Variants in DEPTOR observed in about 807,000 individuals in gnomAD.
DEPTOR encodes the protein DEP domain containing MTOR interacting protein, also known as DEP domain-containing mTOR-interacting protein.
Under a neutral mutation model 41.6 loss-of-function variants are expected in DEPTOR, and 41 were observed. The ratio of observed to expected loss-of-function variants is 0.98; its 90% confidence interval spans 0.77 to 1.28. DEPTOR has a LOEUF of 1.28. DEPTOR is among the 50% of genes most tolerant of loss of function. The pLI, the probability that DEPTOR is intolerant of heterozygous loss-of-function variation, is 0.00. For missense variants in DEPTOR, 514 were observed against 527.9 expected (o/e 0.97, Z 0.26); for synonymous variants, 195 against 192.3 (o/e 1.01, Z -0.12).
At chr8:120,017,393 A>G (rs1361602722) in intron 8 of DEPTOR, among the ~76,000 whole-genome samples, 2 of 152,186 alleles carry the variant, frequency 1.3e-5, no homozygotes, top group Non-Finnish European at 2.9e-5. Context: ...GTATTATTTC[A>G]AAAAATGCAA....
chr8:120,020,236 C>T (rs546121560), intron 8 of DEPTOR, among the ~76,000 whole-genome samples: 21 of 152,222 alleles, frequency 1.4e-4, no homozygotes, highest in African/African-American at 5.1e-4. Context: ...ACTACAAGTG[C>T]ATGCCCAGCT....
At chr8:119,942,772 A>G (rs7010457) in intron 3 of DEPTOR, among the ~76,000 whole-genome samples, 18,140 of 152,194 alleles carry the variant, frequency 0.12, 1,673 homozygotes, top group African/African-American at 0.25. Flanking sequence ...TTAGCAAGAC[A>G]TTCAGCTTTT....
chr8:119,971,573 C>A (rs989569706), intron 4 of DEPTOR, among the ~76,000 whole-genome samples: 1 of 152,146 alleles, frequency 6.6e-6, no homozygotes, highest in South Asian at 2.1e-4. Flanking sequence ...AATGAAAACT[C>A]AGGGAAGGAA....
At chr8:119,882,891 C>T (rs1368808713) in intron 1 of DEPTOR, among the ~76,000 whole-genome samples, 1 of 152,094 alleles carries the variant, frequency 6.6e-6, no homozygotes, top group Non-Finnish European at 1.5e-5. Flanking sequence ...GAGGTGGGTA[C>T]CAAATCTGAG....
At chr8:119,894,412 T>TTCATTTATTTATTTA (rs1827489428) in intron 1 of DEPTOR, among the ~76,000 whole-genome samples, 1 of 148,654 alleles carries the variant, frequency 6.7e-6, no homozygotes, top group African/African-American at 2.5e-5. Flanking sequence ...TTATTTATTT[T>TTCATTTATTTATTTA]TTGAGACAGA....
At chr8:119,988,872 A>C (rs931497894) in intron 4 of DEPTOR, among the ~76,000 whole-genome samples, 1 of 152,044 alleles carries the variant, frequency 6.6e-6, no homozygotes, top group African/African-American at 2.4e-5. Flanking sequence ...TAAGTAATTA[A>C]GTAAATCGTT....
intron 4 of DEPTOR, among the ~76,000 whole-genome samples, chr8:119,965,916 A>G (rs978653706): frequency 2.6e-5 from 4 of 152,186 alleles, no homozygotes; most frequent in Admixed American, 6.5e-5. Flanking sequence ...CCAAATCATA[A>G]TGATGCAATG....
At chr8:119,966,260 T>C (rs1187664219) in intron 4 of DEPTOR, among the ~76,000 whole-genome samples, 1 of 151,604 alleles carries the variant, frequency 6.6e-6, no homozygotes, top group African/African-American at 2.4e-5. Flanking sequence ...AGGTGAGGAG[T>C]TCAAGACCAG....
chr8:120,034,264 TACACACACACACACAC>T (rs71571645), intron 8 of DEPTOR, among the ~76,000 whole-genome samples: 2 of 145,376 alleles, frequency 1.4e-5, no homozygotes, highest in East Asian at 2.1e-4. Flanking sequence ...GCAAAGCATG[TACACACACACACACAC>T]ACACACACAC....
intron 1 of DEPTOR, among the ~76,000 whole-genome samples, chr8:119,908,476 T>C (rs1827696286): frequency 6.6e-6 from 1 of 151,876 alleles, no homozygotes. Context: ...AGTAAGTGTT[T>C]CCATGACTTC....
At chr8:120,024,844 T>C (rs1812774660) in intron 8 of DEPTOR, among the ~76,000 whole-genome samples, 1 of 152,168 alleles carries the variant, frequency 6.6e-6, no homozygotes, top group South Asian at 2.1e-4. Flanking sequence ...ACTGTAGTCC[T>C]AGGAAACAGA....
chr8:119,942,495 C>T (rs945822248), intron 3 of DEPTOR, among the ~76,000 whole-genome samples: 3 of 152,248 alleles, frequency 2.0e-5, no homozygotes, highest in Middle Eastern at 3.4e-3. Flanking sequence ...CGTGAGCCAC[C>T]GCGTCCGGCC....
chr8:119,937,481 T>C lies in DEPTOR; in HGVS notation c.425+7543T>C, dbSNP rs565077121. 2.6e-5 allele frequency among the ~76,000 whole-genome samples: 4 copies of C among 152,340 alleles called. No homozygotes were observed. The East Asian group carries it at 7.7e-4, about 29-fold the overall frequency. ...CTGCCCTAGTGGTTACATATAATTTTAGAATGAATGTTCCCGGCCTTCTTG... is the reference window on the plus strand; with the variant it reads ...CTGCCCTAGTGGTTACATATAATTTCAGAATGAATGTTCCCGGCCTTCTTG... On this transcript the variant is annotated intron_variant, in intron 3 of 8. Transcript: ENST00000286234.
chr8:120,031,015 A>G (rs1393111797), intron 8 of DEPTOR, among the ~76,000 whole-genome samples: 1 of 152,258 alleles, frequency 6.6e-6, no homozygotes, highest in East Asian at 1.9e-4. Context: ...ACCTAAAACT[A>G]TCTTAAAAAA....
In DEPTOR at chr8:120,030,497, G is replaced by GTTTTTTTTTTTTTTTTTTTTTTTTT. The variant is rs1171655489; in HGVS notation, c.1102-19075_1102-19051dup. Among the ~76,000 whole-genome samples the GTTTTTTTTTTTTTTTTTTTTTTTTT allele has an allele frequency of 1.7e-3, 80 of 46,210 alleles. 16 individuals carry two copies. The highest frequency in any genetic ancestry group is 2.0e-3 in the Non-Finnish European group (53 of 26,948). The allele number at this position is 46,210 out of a possible 152,430, so 30.3% of individuals were successfully genotyped here. ...AATGATGTATTGTGTAGGTTCATCAGTTTTTTTTTTTTTTTTTTTTTTTTT... is the reference window on the plus strand; with the variant it reads ...AATGATGTATTGTGTAGGTTCATCAGTTTTTTTTTTTTTTTTTTTTTTTTTTTTTTTTTTTTTTTTTTTTTTTTTT... On this transcript the variant is annotated intron_variant, in intron 8 of 8. Coordinates refer to ENST00000286234, the MANE Select transcript of DEPTOR (RefSeq NM_022783.4).
intron 4 of DEPTOR, among the ~76,000 whole-genome samples, chr8:119,986,602 G>A (rs990790722): frequency 6.6e-6 from 1 of 152,002 alleles, no homozygotes; most frequent in Non-Finnish European, 1.5e-5. Context: ...AGTTCTCCTG[G>A]ATAATATCCT....
intron 4 of DEPTOR, among the ~76,000 whole-genome samples, chr8:119,979,173 T>A (rs1219200698): frequency 6.6e-6 from 1 of 152,242 alleles, no homozygotes; most frequent in African/African-American, 2.4e-5. Context: ...GTGTGTTGAT[T>A]AATATTCATA....
rs868112952 is a variant in DEPTOR, at chr8:119,938,843, C to A, written c.425+8905C>A. Among the ~76,000 whole-genome samples the A allele has an allele frequency of 2.0e-3, 289 of 145,914 alleles. 2 individuals carry two copies. The highest frequency in any genetic ancestry group is 6.9e-3 in the African/African-American group (279 of 40,338). Reference sequence around the variant, plus strand: ...TGCCTTCCTTCTTTCCTTCCTTCCTCCCTCCCTCCCTCCCCGTTTCTCCCT... The same window carrying A: ...TGCCTTCCTTCTTTCCTTCCTTCCTACCTCCCTCCCTCCCCGTTTCTCCCT... On this transcript the variant is annotated intron_variant, in intron 3 of 8. Coordinates refer to ENST00000286234, the MANE Select transcript of DEPTOR (RefSeq NM_022783.4).
Position 119,965,361 on chromosome 8 carries a change from G to C in DEPTOR, c.555G>C (p.Glu185Asp), listed in dbSNP as rs770450314. 2 of 1,614,104 alleles carry C rather than the reference G, an allele frequency of 1.2e-6. No homozygotes were observed. Among genetic ancestry groups the C allele is most frequent in the Non-Finnish European group, 1.7e-6 (2 of 1,180,006 alleles). ...VQEGEATTRK[E>D]AEQLCHRLME... is the part of the protein sequence containing the mutation. ...AAGGTGAGGCCACCACGAGGAAAGA[G>C]GCAGAGCAGCTTTGCCACCGGCTTA... Residue 185 changes from glutamate (E) to aspartate (D), a missense_variant, in exon 4 of 9, where the codon GAG becomes GAC. Glu to Asp is a conservative substitution (Grantham distance 45). Transcript: ENST00000286234.
Sources: gnomAD v4.1 joint callset for allele counts (sites outside exome capture counted in the v4.1 genomes callset) on GRCh38, gnomAD v4.1.1 for gene constraint, MANE v1.5 for transcripts, NCBI Gene and HGNC (gene_info 2026-07-23, HGNC 2026-07-21) for gene names.